MINDY4B: variants seen among roughly 807,000 people sequenced by gnomAD.
MINDY4B encodes the protein inactive ubiquitin carboxyl-terminal hydrolase MINDY-4B.
In MINDY4B, 25 loss-of-function variants were observed where a neutral mutation model predicts 16.7. The observed-to-expected ratio is 1.49, with a 90% CI of 1.09 to 2.09. The LOEUF is 2.09. Among genes scored for constraint, MINDY4B ranks in the 30% most tolerant of loss-of-function variants. The pLI is 0.00. For missense variants in MINDY4B, 327 were observed against 168.4 expected (o/e 1.94, Z -5.21); for synonymous variants, 132 against 61.9 (o/e 2.13, Z -5.32).
At chr3:150,885,042 T>C (rs1711588340) in intron 8 of MINDY4B, among the ~76,000 whole-genome samples, 2 of 152,250 alleles carry the variant, frequency 1.3e-5, no homozygotes, top group Admixed American at 6.5e-5. Flanking sequence ...AGGATATACC[T>C]TATCATGGAT....
At chr3:150,873,107 C>G (rs770908281) in intron 11 of MINDY4B, 80 bp downstream of exon 11, 54 of 621,050 alleles carry the variant, frequency 8.7e-5, no homozygotes, top group Non-Finnish European at 1.4e-4. Context: ...GCATGAATAT[C>G]CACACAGTTG....
At chr3:150,890,782 G>T in intron 6 of MINDY4B, 156 bp downstream of exon 6, 1 of 566,496 alleles carries the variant, frequency 1.8e-6, no homozygotes, top group African/African-American at 1.9e-5. Flanking sequence ...TGTCTGCTTG[G>T]ATCACTTACA....
intron 10 of MINDY4B, among the ~76,000 whole-genome samples, chr3:150,875,124 C>T (rs1377313399): frequency 6.6e-6 from 1 of 152,226 alleles, no homozygotes. Context: ...CCACTGGTTA[C>T]ATCAGAAATA....
chr3:150,871,603 C>A (rs982212184), intron 11 of MINDY4B, among the ~76,000 whole-genome samples: 1 of 150,792 alleles, frequency 6.6e-6, no homozygotes, highest in Non-Finnish European at 1.5e-5. Flanking sequence ...GGTCCCAGTA[C>A]TTTGGGGGGC....
intron 10 of MINDY4B, among the ~76,000 whole-genome samples, chr3:150,879,071 T>A (rs1711501539): frequency 1.3e-5 from 2 of 152,342 alleles, no homozygotes; most frequent in South Asian, 2.1e-4. Flanking sequence ...AGATAAAGCC[T>A]GCAACTTGTT....
chr3:150,888,405 G>A (rs894367504), intron 7 of MINDY4B, among the ~76,000 whole-genome samples: 2 of 151,924 alleles, frequency 1.3e-5, no homozygotes, highest in Non-Finnish European at 2.9e-5. Context: ...CAGGGGAGGG[G>A]GTCAGAACTT....
rs1295003102 is a variant in MINDY4B at position 150,891,294 on chromosome 3, C to T, written c.522-191G>A. 5 of 571,852 alleles carry T rather than the reference C, an allele frequency of 8.7e-6. No homozygotes were observed. In the East Asian group the frequency reaches 1.4e-4, roughly 16 times the overall value. 35.4% of individuals were successfully genotyped at this position (571,852 alleles called of 1,614,324 possible). A position where few individuals can be genotyped will look rare whatever the true frequency, so the allele number is the denominator to read the frequency against. ...TTGAATACACTCAGGGTCTGTCTAG[C>T]CTTCCCAAGAAGTGGGAGCCAGTCT... On this transcript the variant is annotated intron_variant, in intron 5 of 11. Coordinates refer to ENST00000465419, the MANE Select transcript of MINDY4B (RefSeq NM_001351281.2).
chr3:150,873,363 C>T lies in MINDY4B; in HGVS notation c.1064G>A (p.Gly355Asp), dbSNP rs1221254344. The T allele has an allele frequency of 1.4e-6, 1 of 702,448 alleles. No homozygotes were observed. Among genetic ancestry groups the T allele is most frequent in the East Asian group, 2.7e-5 (1 of 37,276 alleles). The allele number at this position is 702,448 out of a possible 1,614,324, so 43.5% of individuals were successfully genotyped here. ...TAATTTGGGAGTCTTCAGCATGCTG[C>T]CCACCTGGAAAGGGGAAGGGGAATG... ...ASEDDRLSQVGSMLKTPKLPI... is the reference protein window; with the variant it reads ...ASEDDRLSQVDSMLKTPKLPI... Residue 355 changes from glycine (G) to aspartate (D), a missense_variant, in exon 11 of 12, where the codon GGC becomes GAC. Transcript: ENST00000465419.
In MINDY4B at chr3:150,905,060, A is replaced by G. The variant is rs1276904203; in HGVS notation, c.141+2T>C. The G allele has an allele frequency of 1.3e-5, 5 of 398,444 alleles. No homozygotes were observed. Among genetic ancestry groups the G allele is most frequent in the Non-Finnish European group, 2.2e-5 (5 of 226,014 alleles). The allele number at this position is 398,444 out of a possible 1,614,324, so 24.7% of individuals were successfully genotyped here. A position where few individuals can be genotyped will look rare whatever the true frequency, so the allele number is the denominator to read the frequency against. ...CACACTGGCTTTGGGAAAAGTAATT[A>G]CCTGAGGAGTTGAATTATTGGTTCC... On this transcript the variant is annotated splice_donor_variant, in intron 2 of 11. Coordinates refer to ENST00000465419, the MANE Select transcript of MINDY4B (RefSeq NM_001351281.2). LOFTEE classifies it high-confidence loss of function.
intron 3 of MINDY4B, among the ~76,000 whole-genome samples, chr3:150,895,497 G>T (rs370668593): frequency 6.6e-6 from 1 of 151,966 alleles, no homozygotes; most frequent in Admixed American, 6.6e-5. Flanking sequence ...ACAGAGTCTC[G>T]CTCTGCTGCC....
intron 3 of MINDY4B, among the ~76,000 whole-genome samples, chr3:150,902,864 G>A (rs1013332846): frequency 1.3e-5 from 2 of 152,202 alleles, no homozygotes; most frequent in African/African-American, 4.8e-5. Context: ...CCTCCTGCAT[G>A]CATACAGGTG....
intron 3 of MINDY4B, among the ~76,000 whole-genome samples, chr3:150,898,690 C>G (rs1712037650): frequency 6.6e-6 from 1 of 152,082 alleles, no homozygotes. Context: ...TCTCTTTGTG[C>G]TTTGCTAGTA....
At chr3:150,890,838 G>A (rs1035015223) in intron 6 of MINDY4B, 100 bp downstream of exon 6, 32 of 646,576 alleles carry the variant, frequency 4.9e-5, no homozygotes, top group Non-Finnish European at 7.4e-5. Context: ...GTCACATCAG[G>A]AGCATGGATG....
intron 10 of MINDY4B, among the ~76,000 whole-genome samples, chr3:150,874,050 C>T (rs1717034040): frequency 8.6e-6 from 1 of 116,820 alleles, no homozygotes; most frequent in Non-Finnish European, 1.6e-5. Flanking sequence ...GGATCTTGCT[C>T]TGTCATCCAG....
chr3:150,879,292 A>T (rs546985914), intron 10 of MINDY4B, among the ~76,000 whole-genome samples: 2 of 152,080 alleles, frequency 1.3e-5, no homozygotes, highest in Admixed American at 1.3e-4. Context: ...TTTGCTCCCC[A>T]GGGGAGCATT....
chr3:150,904,372 T>G (rs1712191675), intron 2 of MINDY4B, among the ~76,000 whole-genome samples: 1 of 152,240 alleles, frequency 6.6e-6, no homozygotes, highest in Non-Finnish European at 1.5e-5. Flanking sequence ...AAGAGAGTTT[T>G]AGCATAAATA....
chr3:150,871,706 T>C (rs1039956965), intron 11 of MINDY4B, among the ~76,000 whole-genome samples: 5 of 151,988 alleles, frequency 3.3e-5, no homozygotes, highest in African/African-American at 4.8e-5. Flanking sequence ...GAAAATTAGC[T>C]GTGTGTGGTG....
Position 150,903,622 on chromosome 3 carries a change from T to C in MINDY4B, c.142-206A>G, listed in dbSNP as rs975773622. On this transcript the variant is annotated intron_variant, in intron 2 of 11. Coordinates refer to ENST00000465419, the MANE Select transcript of MINDY4B (RefSeq NM_001351281.2). ...CAAAGGGGTTTCTCATAAGGGTTTA[T>C]ATGACTTGGAGAGGTTAAATGTAAC... Among the ~76,000 whole-genome samples the C allele has an allele frequency of 2.0e-5, 3 of 152,236 alleles. No individual in the cohort carries two copies. The South Asian group carries it at 6.2e-4, about 31-fold the overall frequency.
intron 10 of MINDY4B, among the ~76,000 whole-genome samples, chr3:150,874,418 T>G (rs191036101): frequency 6.6e-6 from 1 of 152,368 alleles, no homozygotes; most frequent in East Asian, 1.9e-4. Flanking sequence ...AGTGCGTTTC[T>G]ATCAGTGATA....
Sources: allele counts gnomAD v4.1 joint callset (sites outside exome capture counted in the v4.1 genomes callset), GRCh38; gene constraint gnomAD v4.1.1; transcripts MANE v1.5; gene names NCBI Gene and HGNC (gene_info 2026-07-23, HGNC 2026-07-21).